Variants in GNG12 observed in about 807,000 individuals in gnomAD.
The protein encoded by GNG12 is guanine nucleotide-binding protein G(I)/G(S)/G(O) subunit gamma-12.
For missense variants in GNG12, 69 were observed against 83.8 expected (o/e 0.82, Z 0.69); for synonymous variants, 28 against 29.7 (o/e 0.94, Z 0.19).
chr1:67,779,146 C>T (rs1227015716), intron 1 of GNG12, among the ~76,000 whole-genome samples: 1 of 152,116 alleles, frequency 6.6e-6, no homozygotes, highest in Non-Finnish European at 1.5e-5. Flanking sequence ...AGATAGATAT[C>T]CCTATATCTG....
intron 1 of GNG12, among the ~76,000 whole-genome samples, chr1:67,833,030 G>T (rs542803686): frequency 6.6e-6 from 1 of 151,952 alleles, no homozygotes; most frequent in African/African-American, 2.4e-5. Flanking sequence ...CCACAGCCGT[G>T]GGGGCGGCTT....
chr1:67,729,822 T>C (rs1483876897), intron 2 of GNG12, among the ~76,000 whole-genome samples: 1 of 152,180 alleles, frequency 6.6e-6, no homozygotes, highest in African/African-American at 2.4e-5. Flanking sequence ...CTGAGATAAT[T>C]TGAAATTGCT....
intron 1 of GNG12, among the ~76,000 whole-genome samples, chr1:67,806,086 A>T (rs949857069): frequency 3.3e-5 from 5 of 151,306 alleles, no homozygotes; most frequent in Non-Finnish European, 5.9e-5. Context: ...TTCTCAGATT[A>T]AAAAAAAACT....
intron 2 of GNG12, among the ~76,000 whole-genome samples, chr1:67,725,754 G>C (rs1436870775): frequency 1.3e-5 from 2 of 152,186 alleles, no homozygotes; most frequent in Non-Finnish European, 2.9e-5. Context: ...CACCCATACA[G>C]TACGTTTATA....
At chr1:67,725,548 A>C (rs1557597177) in intron 2 of GNG12, among the ~76,000 whole-genome samples, 1 of 152,196 alleles carries the variant, frequency 6.6e-6, no homozygotes, top group Non-Finnish European at 1.5e-5. Flanking sequence ...CTGATGATAC[A>C]AGATGTTCCC....
chr1:67,732,590 A>G (rs528711825), intron 2 of GNG12, among the ~76,000 whole-genome samples: 4 of 152,350 alleles, frequency 2.6e-5, no homozygotes, highest in Non-Finnish European at 5.9e-5. Flanking sequence ...ATAGCTCACT[A>G]CAGCTAATAA....
At chr1:67,744,584 A>C (rs1646498605) in intron 2 of GNG12, among the ~76,000 whole-genome samples, 1 of 152,212 alleles carries the variant, frequency 6.6e-6, no homozygotes, top group Non-Finnish European at 1.5e-5. Flanking sequence ...ATGGACAGAG[A>C]CAAGGCACCG....
intron 2 of GNG12, among the ~76,000 whole-genome samples, chr1:67,755,521 G>A (rs757922493): frequency 1.3e-5 from 2 of 152,146 alleles, no homozygotes; most frequent in African/African-American, 2.4e-5. Context: ...AGCCAGCATC[G>A]TCTTCCGGCC....
At chr1:67,726,959 C>G (rs1306104193) in intron 2 of GNG12, among the ~76,000 whole-genome samples, 1 of 152,064 alleles carries the variant, frequency 6.6e-6, no homozygotes, top group Non-Finnish European at 1.5e-5. Context: ...GTATTAAGGA[C>G]AAATACTGGA....
intron 1 of GNG12, among the ~76,000 whole-genome samples, chr1:67,791,855 CACTT>C (rs1489525986): frequency 6.6e-6 from 1 of 152,166 alleles, no homozygotes. Flanking sequence ...ATACTTAACA[CACTT>C]ACTCACGTCC....
chr1:67,787,665 A>C (rs1202165159), intron 1 of GNG12, among the ~76,000 whole-genome samples: 1 of 152,180 alleles, frequency 6.6e-6, no homozygotes, highest in Non-Finnish European at 1.5e-5. Flanking sequence ...CATCAGAGTC[A>C]ATGCTGGTTT....
intron 1 of GNG12, among the ~76,000 whole-genome samples, chr1:67,832,741 C>G (rs557750608): frequency 2.4e-4 from 37 of 152,296 alleles, no homozygotes; most frequent in Non-Finnish European, 4.4e-4. Context: ...GCTCTCCCCT[C>G]TGCGACCCGC....
chr1:67,790,060 A>T (rs1289152891), intron 1 of GNG12, among the ~76,000 whole-genome samples: 1 of 152,230 alleles, frequency 6.6e-6, no homozygotes. Context: ...TTCCTGTATC[A>T]TCAAGAGATC....
intron 1 of GNG12, among the ~76,000 whole-genome samples, chr1:67,823,714 C>A (rs1425741716): frequency 1.3e-5 from 2 of 152,198 alleles, no homozygotes; most frequent in Non-Finnish European, 2.9e-5. Flanking sequence ...CCAATACATT[C>A]CTGATGGGAG....
At chr1:67,827,424 GTTTT>G (rs536310689) in intron 1 of GNG12, among the ~76,000 whole-genome samples, 1 of 147,496 alleles carries the variant, frequency 6.8e-6, no homozygotes, top group South Asian at 2.1e-4. Flanking sequence ...CAACACTCCA[GTTTT>G]TTTTTTTATT....
chr1:67,819,309 G>C (rs865992138), intron 1 of GNG12, among the ~76,000 whole-genome samples: 8 of 152,294 alleles, frequency 5.3e-5, no homozygotes, highest in Middle Eastern at 3.4e-3. Flanking sequence ...AGGGGACGAT[G>C]ATGAGATCAG....
At chr1:67,722,503 G>C (rs1443474269) in intron 2 of GNG12, among the ~76,000 whole-genome samples, 1 of 151,804 alleles carries the variant, frequency 6.6e-6, no homozygotes, top group Non-Finnish European at 1.5e-5. Flanking sequence ...AAGGCAAGCA[G>C]TAGGTGCTTA....
chr1:67,722,018 T>C (rs1016264547), intron 2 of GNG12, among the ~76,000 whole-genome samples: 2 of 152,166 alleles, frequency 1.3e-5, no homozygotes, highest in Non-Finnish European at 2.9e-5. Context: ...GAGATATTTA[T>C]GATTCTAGTC....
intron 2 of GNG12, among the ~76,000 whole-genome samples, chr1:67,730,479 T>C (rs1646412567): frequency 6.6e-6 from 1 of 152,124 alleles, no homozygotes; most frequent in Non-Finnish European, 1.5e-5. Flanking sequence ...CACTCCAGCC[T>C]GGTCAACAGA....
Sources: gnomAD v4.1 joint callset for allele counts (sites outside exome capture counted in the v4.1 genomes callset) on GRCh38, gnomAD v4.1.1 for gene constraint, MANE v1.5 for transcripts, NCBI Gene and HGNC (gene_info 2026-07-23, HGNC 2026-07-21) for gene names.